Variants in GPHN observed in about 807,000 individuals in gnomAD.
The protein encoded by GPHN is gephyrin.
Under a neutral mutation model 95.5 loss-of-function variants are expected in GPHN, and 17 were observed. The ratio of observed to expected loss-of-function variants is 0.18; its 90% CI spans 0.12 to 0.27. The LOEUF (loss-of-function observed/expected upper bound fraction) is 0.27, where lower values mean the gene tolerates loss of function less well. Ranked by LOEUF, GPHN falls within the 10% of genes least tolerant of loss-of-function variation. GPHN has a pLI of 1.00. For synonymous variants in GPHN, 320 were observed against 322.5 expected, an observed-to-expected ratio of 0.99 and a Z score of 0.08; for missense variants, 660 against 978.1, an observed-to-expected ratio of 0.67 and a Z score of 4.34.
intron 10 of GPHN, among the ~76,000 whole-genome samples, chr14:67,030,777 C>T (rs948690076): frequency 1.3e-5 from 2 of 152,168 alleles, no homozygotes; most frequent in Non-Finnish European, 1.5e-5. Flanking sequence ...TGCAAGACCT[C>T]ATCTATCTTG....
At chr14:67,566,015 A>C in the GPHN span, among the ~76,000 whole-genome samples, 1 of 152,188 alleles carries the variant, frequency 6.6e-6, no homozygotes, top group Non-Finnish European at 1.5e-5. Context: ...GCTGCTCGGG[A>C]GCCTGAGGCA....
chr14:66,613,880 G>A (rs1468030124), intron 1 of GPHN, among the ~76,000 whole-genome samples: 5 of 152,002 alleles, frequency 3.3e-5, no homozygotes, highest in African/African-American at 9.7e-5. Context: ...TAATGCATAA[G>A]CATTCCAGTT....
At chr14:67,537,458 A>G in the GPHN span, among the ~76,000 whole-genome samples, 3 of 149,736 alleles carry the variant, frequency 2.0e-5, no homozygotes, top group East Asian at 5.8e-4. Flanking sequence ...TGAGCCCAGG[A>G]GTTCGAGACC....
chr14:67,463,638 C>CAAAAA, the GPHN span, among the ~76,000 whole-genome samples: 1 of 54,828 alleles, frequency 1.8e-5, no homozygotes, highest in African/African-American at 6.7e-5. Flanking sequence ...GACTCCGTCT[C>CAAAAA]AAAAAAAAAA....
chr14:67,012,043 C>G (rs2073046640), intron 9 of GPHN, among the ~76,000 whole-genome samples: 1 of 152,142 alleles, frequency 6.6e-6, no homozygotes, highest in Admixed American at 6.6e-5. Context: ...ACCAACGCAC[C>G]TCCTGGCATT....
intron 3 of GPHN, among the ~76,000 whole-genome samples, chr14:66,787,229 A>G (rs2059808090): frequency 6.6e-6 from 1 of 152,180 alleles, no homozygotes; most frequent in Non-Finnish European, 1.5e-5. Flanking sequence ...GGAAACTGAA[A>G]TTTAAATAAC....
chr14:66,591,904 T>C (rs1484077491), intron 1 of GPHN, among the ~76,000 whole-genome samples: 1 of 152,184 alleles, frequency 6.6e-6, no homozygotes, highest in African/African-American at 2.4e-5. Flanking sequence ...GAATTCAAAC[T>C]GTACTACAAA....
intron 9 of GPHN, among the ~76,000 whole-genome samples, chr14:66,989,494 C>A (rs568535318): frequency 4.7e-4 from 71 of 151,944 alleles, no homozygotes; most frequent in African/African-American, 1.6e-3. Flanking sequence ...ATTAGGTTAT[C>A]TCATGCCATT....
At chr14:67,307,841 T>A in the GPHN span, among the ~76,000 whole-genome samples, 1 of 152,216 alleles carries the variant, frequency 6.6e-6, no homozygotes, top group African/African-American at 2.4e-5. Context: ...TAAATGCCCA[T>A]CGATGATAGA....
chr14:67,364,662 AT>A, the GPHN span: 15 of 1,188,090 alleles, frequency 1.3e-5, no homozygotes, highest in East Asian at 2.9e-4. Context: ...ACTAATAACT[AT>A]TTTTTTCTTC....
At chr14:66,910,716 T>C (rs1317971199) in intron 5 of GPHN, among the ~76,000 whole-genome samples, 7 of 152,018 alleles carry the variant, frequency 4.6e-5, no homozygotes, top group Admixed American at 1.3e-4. Context: ...CACATACATA[T>C]ACAAAAGGCA....
At chr14:66,618,655 A>G (rs1316615677) in intron 1 of GPHN, among the ~76,000 whole-genome samples, 1 of 152,168 alleles carries the variant, frequency 6.6e-6, no homozygotes, top group African/African-American at 2.4e-5. Context: ...AGCTCACTTC[A>G]TAAAGTAAGT....
intron 2 of GPHN, among the ~76,000 whole-genome samples, chr14:66,770,950 T>A (rs1443948430): frequency 6.6e-6 from 1 of 152,126 alleles, no homozygotes; most frequent in Non-Finnish European, 1.5e-5. Flanking sequence ...CCAGTATAGA[T>A]CTTGGAACAT....
chr14:66,936,663 AAT>A (rs1363744474), intron 8 of GPHN, among the ~76,000 whole-genome samples: 4 of 152,230 alleles, frequency 2.6e-5, no homozygotes, highest in Non-Finnish European at 4.4e-5. Flanking sequence ...GTATAAAATA[AAT>A]ATGTGCCAAA....
the GPHN span, among the ~76,000 whole-genome samples, chr14:67,363,222 A>AGCCCTG: frequency 5.9e-5 from 9 of 151,426 alleles, no homozygotes; most frequent in African/African-American, 1.9e-4. Flanking sequence ...ACCCTCGAAA[A>AGCCCTG]GCCCTGTTTA....
intron 2 of GPHN, among the ~76,000 whole-genome samples, chr14:66,708,629 T>C (rs2069322377): frequency 6.6e-6 from 1 of 152,134 alleles, no homozygotes; most frequent in Non-Finnish European, 1.5e-5. Context: ...TATAAAAAGA[T>C]TTCAATCTAG....
At chr14:66,622,901 A>T (rs531475702) in intron 1 of GPHN, among the ~76,000 whole-genome samples, 40 of 152,164 alleles carry the variant, frequency 2.6e-4, no homozygotes, top group Non-Finnish European at 4.1e-4. Context: ...GAGCCCTCCA[A>T]ACTGTCCCAA....
intron 5 of GPHN, among the ~76,000 whole-genome samples, chr14:66,893,806 G>A (rs1291988143): frequency 1.3e-5 from 2 of 152,056 alleles, no homozygotes; most frequent in African/African-American, 2.4e-5. Flanking sequence ...CAACTTACAA[G>A]GGATGTGGAG....
chr14:67,694,880 G>C, the GPHN span, among the ~76,000 whole-genome samples: 1 of 152,140 alleles, frequency 6.6e-6, no homozygotes, highest in African/African-American at 2.4e-5. Flanking sequence ...TCACTGGTCC[G>C]TCACCACTGG....
Sources: gnomAD v4.1 joint callset for allele counts (sites outside exome capture counted in the v4.1 genomes callset) on GRCh38, gnomAD v4.1.1 for gene constraint, MANE v1.5 for transcripts, NCBI Gene and HGNC (gene_info 2026-07-23, HGNC 2026-07-21) for gene names.